Variants in SLC6A9 observed in about 807,000 individuals in gnomAD.
The protein encoded by SLC6A9 is sodium- and chloride-dependent glycine transporter 1.
In SLC6A9, 31 loss-of-function variants were observed where a neutral mutation model predicts 70.9. That is an observed-to-expected ratio of 0.44 (90% CI 0.33 to 0.59). The LOEUF (loss-of-function observed/expected upper bound fraction) is 0.59. SLC6A9 is among the 20% of genes least tolerant of loss of function. The pLI, the probability that SLC6A9 is intolerant of heterozygous loss-of-function variation, is 0.04. For missense variants in SLC6A9, 631 were observed against 845.2 expected (o/e 0.75, Z 3.14); for synonymous variants, 310 against 341.3 (o/e 0.91, Z 1.01).
rs546296466 is a variant in SLC6A9 at position 44,023,723 on chromosome 1, G to A, written c.30+525C>T. Among the ~76,000 whole-genome samples, 7 of 152,136 alleles carry A rather than the reference G, an allele frequency of 4.6e-5. No homozygotes were observed. In the East Asian group the frequency reaches 7.7e-4, roughly 17 times the overall value. Reference sequence around the variant, plus strand: ...CTCACCACTACCTCTCCCGTGTCTCGTGGCCTCACCACTACCTCTCCTGTG... The same window carrying A: ...CTCACCACTACCTCTCCCGTGTCTCATGGCCTCACCACTACCTCTCCTGTG... On this transcript the variant is annotated intron_variant, in intron 2 of 13. Coordinates refer to ENST00000372310, the MANE Select transcript of SLC6A9 (RefSeq NM_001024845.3).
intron 1 of SLC6A9, among the ~76,000 whole-genome samples, chr1:44,027,596 T>C (rs1475738052): frequency 1.3e-5 from 2 of 152,242 alleles, no homozygotes; most frequent in African/African-American, 4.8e-5. Context: ...AGACCTGTGC[T>C]AGGCACCAAG....
At chr1:44,025,054 G>A (rs771463640) in intron 1 of SLC6A9, among the ~76,000 whole-genome samples, 1 of 152,132 alleles carries the variant, frequency 6.6e-6, no homozygotes, top group Non-Finnish European at 1.5e-5. Flanking sequence ...ATCTCTACGA[G>A]TACTCTTATT....
At chr1:44,016,912 G>C in intron 2 of SLC6A9, 1 of 852,524 alleles carries the variant, frequency 1.2e-6, no homozygotes, top group Non-Finnish European at 1.7e-6. Flanking sequence ...CACTTTGGCT[G>C]GTGTCTGTCT....
At chr1:44,030,253 G>A (rs914399582) in intron 1 of SLC6A9, among the ~76,000 whole-genome samples, 1 of 152,162 alleles carries the variant, frequency 6.6e-6, no homozygotes, top group African/African-American at 2.4e-5. Context: ...GTGGGGGCAC[G>A]GGCGTTACAT....
rs35181336 is a variant in SLC6A9, at chr1:43,997,240, C to T, written c.*305G>A. The T allele has an allele frequency of 2.7e-4, 110 of 405,552 alleles. No homozygotes were observed. The highest frequency in any genetic ancestry group is 1.4e-3 in the Middle Eastern group (2 of 1,458). The allele number at this position is 405,552 out of a possible 1,614,324, so 25.1% of individuals were successfully genotyped here. A position where few individuals can be genotyped will look rare whatever the true frequency, so the allele number is the denominator to read the frequency against. On this transcript the variant is annotated 3_prime_UTR_variant, in exon 14 of 14. Coordinates refer to ENST00000372310, the MANE Select transcript of SLC6A9 (RefSeq NM_001024845.3). The surrounding 1 kb of genome is among the most constrained non-coding windows in gnomAD (Gnocchi z 4.4). ...AGCTCAGGGCAGGGTATAAGGGTAT[C>T]GGAGGCCACGTAAAGCCATCCAGGC... is the stretch of plus-strand genomic sequence containing the variant.
In SLC6A9 at chr1:44,010,056, G is replaced by A. The variant is rs201434446; in HGVS notation, c.228C>T (p.Cys76=). The stretch of plus-strand genomic sequence containing the variant: ...GCTCCATGAAGAAGAGGGGGATCCC[G>A]CAGAAGATGAGCATGATGAAGTAGG... ...MFPYFIMLIF[C]GIPLFFMELS... The change falls in exon 4 of 14, where the codon TGC becomes TGT. Residue 76 remains cysteine, a synonymous_variant. Transcript: ENST00000372310. 19 of 1,613,952 alleles carry A rather than the reference G, an allele frequency of 1.2e-5. No homozygotes were observed. The highest frequency in any genetic ancestry group is 4.5e-5 in the East Asian group (2 of 44,884).
intron 2 of SLC6A9, among the ~76,000 whole-genome samples, chr1:44,016,754 C>G (rs2086758697): frequency 6.6e-6 from 1 of 152,210 alleles, no homozygotes; most frequent in Admixed American, 6.5e-5. Context: ...TCCCCGGGAG[C>G]TAGGACAATG....
intron 4 of SLC6A9, among the ~76,000 whole-genome samples, chr1:44,009,019 CTTTTTTTTTT>C (rs35340201): frequency 1.4e-5 from 1 of 71,818 alleles, no homozygotes; most frequent in Non-Finnish European, 2.5e-5. Flanking sequence ...CGCGCCCGGC[CTTTTTTTTTT>C]TTTTTTTTTT....
intron 12 of SLC6A9, among the ~76,000 whole-genome samples, chr1:43,999,512 G>A (rs1430353187): frequency 5.3e-5 from 8 of 151,980 alleles, no homozygotes; most frequent in Admixed American, 3.9e-4. Flanking sequence ...CCTCTGAGCC[G>A]CAGAGGCTGA....
At position 44,014,053 on chromosome 1, in the gene SLC6A9, C is replaced by A. The variant is rs3791127; in HGVS notation, c.31-3171G>T. On this transcript the variant is annotated intron_variant, in intron 2 of 13. Coordinates refer to ENST00000372310, the MANE Select transcript of SLC6A9 (RefSeq NM_001024845.3). Reference sequence around the variant, plus strand: ...GTGCTCACGATTTGACTCAGACTGGCTGCCCGTCTGCCTGAGCCAGCTCAG... The same window carrying A: ...GTGCTCACGATTTGACTCAGACTGGATGCCCGTCTGCCTGAGCCAGCTCAG... Among the ~76,000 whole-genome samples the A allele has an allele frequency of 7.0e-3, 1,072 of 152,256 alleles. 14 individuals carry two copies. Among genetic ancestry groups the A allele is most frequent in the East Asian group, 0.068 (351 of 5,160 alleles).
In SLC6A9 at chr1:44,018,485, T is replaced by C. The variant is rs544052878; in HGVS notation, c.30+5763A>G. 2.0e-4 allele frequency among the ~76,000 whole-genome samples: 31 copies of C among 151,930 alleles called. No individual in the cohort carries two copies. In the East Asian group the frequency reaches 4.8e-3, roughly 24 times the overall value. On this transcript the variant is annotated intron_variant, in intron 2 of 13. Transcript: ENST00000372310. This position sits in a 1 kb window ranked among gnomAD's most constrained non-coding sequence, Gnocchi z 4.2. ...GGCACATGCCTGTAATCCCAGCTACTCGGGAGGCTGAGGCGGGAGAATCGC... is the reference window on the plus strand; with the variant it reads ...GGCACATGCCTGTAATCCCAGCTACCCGGGAGGCTGAGGCGGGAGAATCGC...
In SLC6A9 at chr1:44,013,167, C is replaced by T. The variant is rs2086630407; in HGVS notation, c.31-2285G>A. The stretch of plus-strand genomic sequence containing the variant: ...GGACAACTGATGGTCCAGGATGGAC[C>T]CATGGGCAGGGTAAGGGCAAGGCCC... On this transcript the variant is annotated intron_variant, in intron 2 of 13. Transcript: ENST00000372310. The surrounding 1 kb of genome is among the most constrained non-coding windows in gnomAD (Gnocchi z 5.3). 2.0e-5 allele frequency among the ~76,000 whole-genome samples: 3 copies of T among 152,154 alleles called. No individual in the cohort carries two copies. Among genetic ancestry groups the T allele is most frequent in the African/African-American group, 4.8e-5 (2 of 41,430 alleles).
chr1:44,021,942 A>C (rs762362127), intron 2 of SLC6A9, among the ~76,000 whole-genome samples: 4 of 152,252 alleles, frequency 2.6e-5, no homozygotes, highest in Admixed American at 6.5e-5. Flanking sequence ...AGAACTGAAA[A>C]GGAAGCAGGA....
intron 2 of SLC6A9, among the ~76,000 whole-genome samples, chr1:44,020,868 C>T (rs778596595): frequency 1.3e-5 from 2 of 152,238 alleles, no homozygotes; most frequent in Non-Finnish European, 2.9e-5. Context: ...GATTTGGACA[C>T]TCTGGCACCC....
Sources: gnomAD v4.1 joint callset for allele counts (sites outside exome capture counted in the v4.1 genomes callset) on GRCh38, gnomAD v4.1.1 for gene constraint, Gnocchi (gnomAD v3.1) non-coding constraint, MANE v1.5 for transcripts, NCBI Gene and HGNC (gene_info 2026-07-23, HGNC 2026-07-21) for gene names.